Variants in FMN2 observed in about 807,000 individuals in gnomAD.
The protein encoded by FMN2 is formin 2.
In FMN2, 51 loss-of-function variants were observed where a neutral mutation model predicts 142.3. That is an observed-to-expected ratio of 0.36 (90% confidence interval 0.29 to 0.45). FMN2 has a LOEUF of 0.45. FMN2 is among the 20% of genes least tolerant of loss of function. The pLI is 1.00. For missense variants in FMN2, 1,936 were observed against 2,122.8 expected (o/e 0.91, Z 1.73); for synonymous variants, 882 against 869.8 (o/e 1.01, Z -0.25).
At chr1:240,239,607 C>T (rs1345527391) in intron 6 of FMN2, among the ~76,000 whole-genome samples, 1 of 152,152 alleles carries the variant, frequency 6.6e-6, no homozygotes, top group Non-Finnish European at 1.5e-5. Flanking sequence ...AGGATAGGGT[C>T]AAATCCAGTT....
At chr1:240,116,239 C>G (rs531759941) in intron 1 of FMN2, among the ~76,000 whole-genome samples, 1 of 152,190 alleles carries the variant, frequency 6.6e-6, no homozygotes, top group Non-Finnish European at 1.5e-5. Flanking sequence ...AGAGGCTTCA[C>G]GTAGCTGCCC....
intron 15 of FMN2, among the ~76,000 whole-genome samples, chr1:240,407,893 A>C (rs1197282851): frequency 1.3e-5 from 2 of 152,184 alleles, no homozygotes; most frequent in Non-Finnish European, 2.9e-5. Flanking sequence ...ATACTGTGGC[A>C]TGGAAAGTTG....
chr1:240,177,893 T>C (rs1014546542), intron 2 of FMN2, 28 bp from the exon 3 acceptor site: 6 of 1,526,686 alleles, frequency 3.9e-6, no homozygotes, highest in Non-Finnish European at 2.6e-6. Context: ...ATTAATAGCA[T>C]TTCAACATTT....
intron 6 of FMN2, among the ~76,000 whole-genome samples, chr1:240,254,010 A>G (rs1668365581): frequency 6.6e-6 from 1 of 152,086 alleles, no homozygotes; most frequent in Non-Finnish European, 1.5e-5. Context: ...CAGGCTGAGC[A>G]TGCCTGTCCT....
intron 16 of FMN2, among the ~76,000 whole-genome samples, chr1:240,465,022 G>C (rs943968599): frequency 9.2e-5 from 14 of 152,042 alleles, no homozygotes; most frequent in African/African-American, 3.1e-4. Context: ...TAAGTGACTT[G>C]GGGTTGATTT....
intron 16 of FMN2, among the ~76,000 whole-genome samples, chr1:240,463,118 G>A (rs1380665900): frequency 3.3e-5 from 5 of 152,126 alleles, no homozygotes; most frequent in Non-Finnish European, 7.4e-5. Flanking sequence ...TTTTTGCTTG[G>A]CAAATGAGTA....
intron 13 of FMN2, among the ~76,000 whole-genome samples, chr1:240,354,292 C>T (rs777274625): frequency 6.6e-5 from 10 of 152,016 alleles, no homozygotes; most frequent in Non-Finnish European, 1.0e-4. Context: ...ATAGGGCCAA[C>T]TGAAGAATGG....
rs201817766 is a variant in FMN2 at position 240,178,392 on chromosome 1, A to G, written c.1930+324A>G. Among the ~76,000 whole-genome samples, 497 of 146,594 alleles carry G rather than the reference A, an allele frequency of 3.4e-3. 20 individuals are homozygous for G. In the East Asian group the frequency reaches 0.085, roughly 25 times the overall value. On this transcript the variant is annotated intron_variant, in intron 3 of 17. Transcript: ENST00000319653. ...GAGAACCATATTTGTGTAACAATCAATGCTTTATGGAATATGGTTGTTTTG... is the reference window on the plus strand; with the variant it reads ...GAGAACCATATTTGTGTAACAATCAGTGCTTTATGGAATATGGTTGTTTTG...
At chr1:240,343,236 C>T (rs1052956088) in intron 13 of FMN2, among the ~76,000 whole-genome samples, 1 of 152,228 alleles carries the variant, frequency 6.6e-6, no homozygotes, top group African/African-American at 2.4e-5. Context: ...AAGTAGCTTG[C>T]TATGACTACT....
intron 13 of FMN2, among the ~76,000 whole-genome samples, chr1:240,348,404 G>A (rs1306615582): frequency 6.6e-6 from 1 of 151,682 alleles, no homozygotes; most frequent in Non-Finnish European, 1.5e-5. Flanking sequence ...TGTATTTTTA[G>A]TAGATACAGG....
chr1:240,294,054 T>C (rs1273966300), intron 7 of FMN2, among the ~76,000 whole-genome samples: 3 of 152,140 alleles, frequency 2.0e-5, no homozygotes, highest in African/African-American at 7.2e-5. Context: ...TTGGCACAAA[T>C]TCTATCAAGG....
At chr1:240,285,682 C>G (rs556877704) in intron 7 of FMN2, among the ~76,000 whole-genome samples, 2 of 151,996 alleles carry the variant, frequency 1.3e-5, no homozygotes, top group Admixed American at 6.6e-5. Context: ...ATGTTTAGCA[C>G]GTGTATCGGA....
chr1:240,119,787 G>A (rs1458559442), intron 1 of FMN2, among the ~76,000 whole-genome samples: 2 of 152,116 alleles, frequency 1.3e-5, no homozygotes, highest in Admixed American at 6.5e-5. Flanking sequence ...GGATGTGCAC[G>A]TACACATTTA....
At position 240,236,704 on chromosome 1, in the gene FMN2, G is replaced by A. The variant is rs112608425; in HGVS notation, c.4066-21241G>A. 2.7e-3 allele frequency among the ~76,000 whole-genome samples: 410 copies of A among 152,244 alleles called. 2 individuals carry two copies. The highest frequency in any genetic ancestry group is 9.3e-3 in the African/African-American group (388 of 41,550). On this transcript the variant is annotated intron_variant, in intron 6 of 17. Coordinates refer to ENST00000319653, the MANE Select transcript of FMN2 (RefSeq NM_020066.5). ...AGCCTCTTTTTAACAATCACATCTC[G>A]TGGGAACTAATAGAGTGATAACTCA...
intron 7 of FMN2, among the ~76,000 whole-genome samples, chr1:240,276,025 C>A (rs570231534): frequency 2.9e-4 from 44 of 152,246 alleles, no homozygotes; most frequent in Admixed American, 9.8e-4. Flanking sequence ...TAAGAGGGAT[C>A]AAACCAAATA....
chr1:240,438,328 T>C (rs563071668), intron 16 of FMN2, 118 bp downstream of exon 16: 1 of 1,126,290 alleles, frequency 8.9e-7, no homozygotes, highest in Non-Finnish European at 1.3e-6. Flanking sequence ...CAACCCGGGG[T>C]AGCAAGTTGA....
intron 6 of FMN2, among the ~76,000 whole-genome samples, chr1:240,248,386 ATAACAT>A (rs1239380576): frequency 6.7e-6 from 1 of 149,606 alleles, no homozygotes; most frequent in African/African-American, 2.4e-5. Context: ...ATATATATAT[ATAACAT>A]ACATGTTATT....
chr1:240,103,931 C>T (rs1226345945), intron 1 of FMN2, among the ~76,000 whole-genome samples: 1 of 151,702 alleles, frequency 6.6e-6, no homozygotes, highest in South Asian at 2.1e-4. Flanking sequence ...GGCTGGAGTG[C>T]AGTGGTGCGA....
intron 14 of FMN2, among the ~76,000 whole-genome samples, chr1:240,367,940 G>A (rs554346087): frequency 8.6e-5 from 13 of 151,720 alleles, no homozygotes; most frequent in South Asian, 4.2e-4. Flanking sequence ...TTAATTTTAC[G>A]TCATATGGAT....
Sources: allele counts gnomAD v4.1 joint callset (sites outside exome capture counted in the v4.1 genomes callset), GRCh38; gene constraint gnomAD v4.1.1; transcripts MANE v1.5; gene names NCBI Gene and HGNC (gene_info 2026-07-23, HGNC 2026-07-21).